KCND1: variants seen among roughly 807,000 people sequenced by gnomAD.
KCND1 encodes potassium voltage-gated channel subfamily D member 1.
A neutral mutation model predicts 31.8 loss-of-function variants in KCND1; 11 were observed. The ratio of observed to expected loss-of-function variants is 0.35; its 90% CI spans 0.22 to 0.57. The LOEUF (loss-of-function observed/expected upper bound fraction) is 0.57. KCND1 is among the 20% of genes least tolerant of loss of function. The probability of loss-of-function intolerance (pLI) is 0.85; values close to 1 mark genes in which losing one functional copy is unlikely to be tolerated. For synonymous variants in KCND1, 234 were observed against 248.1 expected, an observed-to-expected ratio of 0.94 and a Z score of 0.53; for missense variants, 471 against 596.8, an observed-to-expected ratio of 0.79 and a Z score of 2.20.
At position 48,962,754 on chromosome X, in the gene KCND1, T is replaced by C. The variant is rs781871716; in HGVS notation, c.1771A>G (p.Ser591Gly). Residue 591 changes from serine to glycine, a missense_variant, in exon 6 of 6, where the codon AGC becomes GGC. Transcript: ENST00000218176. ...ATAATGGCAGCCACGAAGTCCCGGCTGTCGCAGTTCAGGTCAAGGCTGTCA... is the reference window on the plus strand; with the variant it reads ...ATAATGGCAGCCACGAAGTCCCGGCCGTCGCAGTTCAGGTCAAGGCTGTCA... The part of the protein sequence containing the change: ...PHDSLDLNCD[S>G]RDFVAAIISI... 2 of 1,208,861 alleles carry C rather than the reference T, an allele frequency of 1.7e-6. No individual in the cohort carries two copies. The highest frequency in any genetic ancestry group is 5.9e-5 in the East Asian group (2 of 33,766).
Position 48,962,636 on chromosome X carries a change from G to T in KCND1, c.1889C>A (p.Ser630Tyr). ...GAAGAGGCAAGGGGTACCCAGGCTGGAGTTCCTGAGGGTGCTGCCGGCCCT... is the reference window on the plus strand; with the variant it reads ...GAAGAGGCAAGGGGTACCCAGGCTGTAGTTCCTGAGGGTGCTGCCGGCCCT... ...GGRAGSTLRNSSLGTPCLFPE... is the reference protein window; with the variant it reads ...GGRAGSTLRNYSLGTPCLFPE... The change falls in exon 6 of 6, where the codon TCC (serine) becomes TAC (tyrosine). Residue 630 changes from serine (S) to tyrosine (Y), a missense_variant. Coordinates refer to ENST00000218176, the MANE Select transcript of KCND1 (RefSeq NM_004979.6). The T allele has an allele frequency of 8.3e-7, 1 of 1,210,529 alleles. No homozygotes were observed. Among genetic ancestry groups the T allele is most frequent in the Non-Finnish European group, 1.1e-6 (1 of 894,907 alleles).
intron 3 of KCND1, 35 bp downstream of exon 3, chrX:48,966,726 T>C (rs782746192): frequency 2.5e-6 from 3 of 1,204,699 alleles, no homozygotes; most frequent in Non-Finnish European, 3.4e-6. Context: ...CTCCCCGTTA[T>C]GGCTCACCCC....
At chrX:48,965,579 A>G (rs1260845386) in intron 5 of KCND1, among the ~76,000 whole-genome samples, 1 of 111,945 alleles carries the variant, frequency 8.9e-6, no homozygotes, top group Non-Finnish European at 1.9e-5. Context: ...TATTTGGTGA[A>G]AGAATGGATG....
In KCND1 at chrX:48,962,664, C is replaced by T. The variant is rs1473750964; in HGVS notation, c.1861G>A (p.Gly621Ser). Residue 621 changes from glycine to serine, a missense_variant, in exon 6 of 6, where the codon GGC (glycine) becomes AGC (serine). Gly to Ser is a moderately conservative substitution (Grantham distance 56). This residue lies in a region of KCND1 where 185 missense variants were observed against 184.7 expected (regional missense o/e 1.00). Transcript: ENST00000218176. ...TTCCTGAGGGTGCTGCCGGCCCTGC[C>T]ACCGCCGCCAGGGGAGGAAGGTTGG... ...ESQPSSPGGG[G>S]RAGSTLRNSS... 1.7e-6 allele frequency: 2 copies of T among 1,207,821 alleles called. No homozygotes were observed. Among genetic ancestry groups the T allele is most frequent in the African/African-American group, 3.5e-5 (2 of 56,702 alleles).
Position 48,966,230 on chromosome X carries a change from T to C in KCND1, c.1543A>G (p.Ser515Gly). 2 of 1,204,783 alleles carry C rather than the reference T, an allele frequency of 1.7e-6. No homozygotes were observed. The highest frequency in any genetic ancestry group is 2.2e-6 in the Non-Finnish European group (2 of 892,751). Residue 515 changes from serine (S) to glycine (G), a missense_variant, in exon 5 of 6, where the codon AGC (serine) becomes GGC (glycine). Around this residue, in one of 3 missense-constraint regions of KCND1, gnomAD observed 185 missense variants for 184.7 expected, o/e 1.00. Transcript: ENST00000218176. Reference sequence around the variant, plus strand: ...ACTGGCTGGGAAGACACAGAGGTGCTACGGCTGGTGCGGCCACCCGGCGAG... The same window carrying C: ...ACTGGCTGGGAAGACACAGAGGTGCCACGGCTGGTGCGGCCACCCGGCGAG... ...AVSPGGRTSR[S>G]TSVSSQPVGP...
At chrX:48,967,994 G>A (rs2064363524) in intron 1 of KCND1, 2 of 111,798 alleles carry the variant, frequency 1.8e-5, no homozygotes, top group Non-Finnish European at 3.8e-5. Context: ...CTTGAATAGA[G>A]TAAAAGCCAT....
intron 1 of KCND1, among the ~76,000 whole-genome samples, chrX:48,968,927 A>G (rs936803703): frequency 3.6e-5 from 4 of 111,632 alleles, no homozygotes; most frequent in Non-Finnish European, 7.5e-5. Context: ...GGTGGCGTGT[A>G]CCTGTAATCC....
At position 48,966,527 on chromosome X, in the gene KCND1, C is replaced by T. The variant is rs782595837; in HGVS notation, c.1467+51G>A. On this transcript the variant is annotated intron_variant, in intron 4 of 5. Coordinates refer to ENST00000218176, the MANE Select transcript of KCND1 (RefSeq NM_004979.6). Reference sequence around the variant, plus strand: ...CATCCAAGGGAGAGAGCTGGCATGGCCGCAGAGGGACCCCCTCTATTCTGC... The same window carrying T: ...CATCCAAGGGAGAGAGCTGGCATGGTCGCAGAGGGACCCCCTCTATTCTGC... 13 of 1,106,302 alleles carry T rather than the reference C, an allele frequency of 1.2e-5. No individual in the cohort carries two copies. In the East Asian group the frequency reaches 1.2e-4, roughly 11 times the overall value. The allele number at this position is 1,106,302 out of a possible 1,213,427, so 91.2% of individuals were successfully genotyped here. A position where few individuals can be genotyped will look rare whatever the true frequency, so the allele number is the denominator to read the frequency against.
chrX:48,968,648 C>T (rs782661005), intron 1 of KCND1, among the ~76,000 whole-genome samples: 20 of 112,121 alleles, frequency 1.8e-4, no homozygotes, highest in Non-Finnish European at 3.8e-4. Flanking sequence ...TAAGACAATC[C>T]TTGAACCCAA....
intron 1 of KCND1, among the ~76,000 whole-genome samples, chrX:48,968,781 C>T (rs1265961352): frequency 8.9e-6 from 1 of 112,258 alleles, no homozygotes; most frequent in Non-Finnish European, 1.9e-5. Context: ...AGGCCAGGCG[C>T]GGTGGCTCAC....
chrX:48,970,229 C>T lies in KCND1; in HGVS notation c.43G>A (p.Ala15Thr), dbSNP rs1037547421. The T allele has an allele frequency of 3.4e-5, 41 of 1,203,769 alleles. No homozygotes were observed. Among genetic ancestry groups the T allele is most frequent in the Non-Finnish European group, 4.6e-5 (41 of 892,502 alleles). Residue 15 changes from alanine to threonine, a missense_variant, in exon 1 of 6, where the codon GCA (alanine) becomes ACA (threonine). Ala to Thr is a moderately conservative substitution (Grantham distance 58, BLOSUM62 0). Transcript: ENST00000218176. ...LATWLPFARA[A>T]AVGWLPLAQQ... Reference sequence around the variant, plus strand: ...GCCAGGGGCAGCCAGCCCACTGCTGCTGCCCGAGCAAAAGGCAGCCACGTG... The same window carrying T: ...GCCAGGGGCAGCCAGCCCACTGCTGTTGCCCGAGCAAAAGGCAGCCACGTG...
chrX:48,970,025 A>G lies in KCND1; in HGVS notation c.247T>C (p.Phe83Leu). Residue 83 changes from phenylalanine (F) to leucine (L), a missense_variant, in exon 1 of 6, where the codon TTC (phenylalanine) becomes CTC (leucine). Around this residue, in one of 3 missense-constraint regions of KCND1, gnomAD observed 212 missense variants for 257.9 expected, o/e 0.82. Transcript: ENST00000218176. ...AACATGTCAGGGTCGCGATCGAAGA[A>G]GTACTCGCCTGAGTCAGCATCGTAG... ...FFYDADSGEY[F>L]FDRDPDMFRH... The G allele has an allele frequency of 8.3e-7, 1 of 1,211,453 alleles. No homozygotes were observed. Among genetic ancestry groups the G allele is most frequent in the Non-Finnish European group, 1.1e-6 (1 of 895,231 alleles).
rs184474264 is a variant in KCND1, at chrX:48,962,495, C to G, written c.*86G>C. 108 of 678,637 alleles carry G rather than the reference C, an allele frequency of 1.6e-4. 1 individual carries two copies. The African/African-American group carries it at 2.2e-3, about 14-fold the overall frequency. The allele number at this position is 678,637 out of a possible 1,213,427, so 55.9% of individuals were successfully genotyped here. ...GGGGGGGCAGAAGGGGTGCCCAAGCCTGCCCCTCTCTGCCTCCCAAAAATA... is the reference window on the plus strand; with the variant it reads ...GGGGGGGCAGAAGGGGTGCCCAAGCGTGCCCCTCTCTGCCTCCCAAAAATA... On this transcript the variant is annotated 3_prime_UTR_variant, in exon 6 of 6. Coordinates refer to ENST00000218176, the MANE Select transcript of KCND1 (RefSeq NM_004979.6).
intron 5 of KCND1, among the ~76,000 whole-genome samples, chrX:48,963,146 A>G (rs782764597): frequency 2.0e-5 from 2 of 99,994 alleles, no homozygotes; most frequent in Non-Finnish European, 4.0e-5. Context: ...AACAAAAAAA[A>G]AAAAAGAAAA....
chrX:48,966,318 G>A lies in KCND1; in HGVS notation c.1468-13C>T, dbSNP rs2064353435. On this transcript the variant is annotated splice_polypyrimidine_tract_variant and intron_variant, in intron 4 of 5. Transcript: ENST00000218176. Reference sequence around the variant, plus strand: ...TGAACTCATGGCACTATGGGCAGAAGGGAGGCAGGGTCACGGGGCATCCCA... The same window carrying A: ...TGAACTCATGGCACTATGGGCAGAAAGGAGGCAGGGTCACGGGGCATCCCA... 8.5e-7 allele frequency: 1 copy of A among 1,173,876 alleles called. No individual in the cohort carries two copies. Among genetic ancestry groups the A allele is most frequent in the African/African-American group, 1.7e-5 (1 of 57,422 alleles).
At position 48,966,134 on chromosome X, in the gene KCND1, A is replaced by G. The variant is rs367793488; in HGVS notation, c.1639T>C (p.Ser547Pro). The G allele has an allele frequency of 3.3e-6, 4 of 1,209,556 alleles. No individual in the cohort carries two copies. The East Asian group carries it at 8.9e-5, about 27-fold the overall frequency. ...AKRRAIRLAN[S>P]TASVSRGSMQ... The stretch of plus-strand genomic sequence containing the variant: ...CTGCCACGGCTGACTGAGGCAGTGG[A>G]GTTGGCAAGGCGGATGGCGCGGCGC... The change falls in exon 5 of 6, where the codon TCC becomes CCC. Residue 547 changes from serine (S) to proline (P), a missense_variant. Physicochemically the swap from Ser to Pro is moderately conservative, Grantham distance 74. This residue lies in a region of KCND1 where 185 missense variants were observed against 184.7 expected (regional missense o/e 1.00). Transcript: ENST00000218176.
intron 1 of KCND1, among the ~76,000 whole-genome samples, 191 bp downstream of exon 1, chrX:48,968,960 T>C (rs1469778335): frequency 9.0e-6 from 1 of 110,600 alleles, no homozygotes; most frequent in African/African-American, 3.3e-5. Flanking sequence ...AGTCTGAGGC[T>C]GGAGAATCAC....
In KCND1 at chrX:48,971,107, G is replaced by A. The variant is rs1046251797; in HGVS notation, c.-836C>T. 1 of 109,098 alleles carries A rather than the reference G, an allele frequency of 9.2e-6. No individual in the cohort carries two copies. The allele number at this position is 109,098 out of a possible 1,213,427, so 9.0% of individuals were successfully genotyped here. A position where few individuals can be genotyped will look rare whatever the true frequency, so the allele number is the denominator to read the frequency against. ...GGTTATCTAAAGGGGTAGACAGGGG[G>A]CTGGGTTATTTTTTGAGAGGCTGAG... On this transcript the variant is annotated 5_prime_UTR_variant, in exon 1 of 6. Coordinates refer to ENST00000218176, the MANE Select transcript of KCND1 (RefSeq NM_004979.6).
rs373310585 is a variant in KCND1, at chrX:48,966,838, G to A, written c.1291C>T (p.Arg431Cys). The A allele has an allele frequency of 4.2e-6, 5 of 1,203,715 alleles. No individual in the cohort carries two copies. The highest frequency in any genetic ancestry group is 3.0e-5 in the East Asian group (1 of 33,687). Residue 431 changes from arginine (R) to cysteine (C), a missense_variant, in exon 3 of 6, where the codon CGC becomes TGC. Transcript: ENST00000218176. The stretch of plus-strand genomic sequence containing the variant: ...TTTGCCAATCGGATCCTTGCCAAGC[G>A]CACCTTCTGCAGAGAGAGGAGATAA... ...ADKRRAQQKV[R>C]LARIRLAKSG...
Sources: gnomAD v4.1 joint callset for allele counts (sites outside exome capture counted in the v4.1 genomes callset) on GRCh38, gnomAD v4.1.1 for gene constraint, gnomAD v4.1.1 regional missense constraint, MANE v1.5 for transcripts, NCBI Gene and HGNC (gene_info 2026-07-23, HGNC 2026-07-21) for gene names.